The following RHBDD1 variants were observed in gnomAD, a reference collection of about 807,000 sequenced individuals.
RHBDD1 encodes the protein rhomboid domain containing 1.
Under a neutral mutation model 36.3 loss-of-function variants are expected in RHBDD1, and 38 were observed. That is an observed-to-expected ratio of 1.05 (90% CI 0.81 to 1.37). The LOEUF is 1.37. Among genes scored for constraint, RHBDD1 ranks in the 40% most tolerant of loss-of-function variants. The pLI is 0.00. For missense variants in RHBDD1, 393 were observed against 377.6 expected (o/e 1.04, Z -0.34); for synonymous variants, 151 against 136.5 (o/e 1.11, Z -0.74).
chr2:226,950,295 G>C (rs1022439925), intron 8 of RHBDD1, among the ~76,000 whole-genome samples: 12 of 152,136 alleles, frequency 7.9e-5, no homozygotes, highest in Non-Finnish European at 1.8e-4. Context: ...TACAGTATTT[G>C]TCTTTCTGTG....
At position 226,919,651 on chromosome 2, in the gene RHBDD1, C is replaced by T. The variant is rs148145371; in HGVS notation, c.856+5300C>T. On this transcript the variant is annotated intron_variant, in intron 8 of 8. Transcript: ENST00000392062. Reference sequence around the variant, plus strand: ...TCAACATAAATGTATGGATTTGTTTCTGGGTTCTCTGTTCTCTTCCACTGA... The same window carrying T: ...TCAACATAAATGTATGGATTTGTTTTTGGGTTCTCTGTTCTCTTCCACTGA... 6.0e-3 allele frequency among the ~76,000 whole-genome samples: 915 copies of T among 152,098 alleles called. 7 individuals carry two copies. Among genetic ancestry groups the T allele is most frequent in the African/African-American group, 0.021 (868 of 41,536 alleles).
chr2:226,851,723 A>G (rs1223808767), intron 3 of RHBDD1, among the ~76,000 whole-genome samples: 1 of 152,198 alleles, frequency 6.6e-6, no homozygotes, highest in African/African-American at 2.4e-5. Context: ...TGTGTAATTT[A>G]GTTAAACTGA....
chr2:226,947,659 G>T (rs1319426964), intron 8 of RHBDD1, among the ~76,000 whole-genome samples: 3 of 151,872 alleles, frequency 2.0e-5, no homozygotes, highest in East Asian at 3.9e-4. Context: ...GAAAATTTTC[G>T]CAACCTACTC....
intron 2 of RHBDD1, among the ~76,000 whole-genome samples, chr2:226,838,430 T>C (rs1353817921): frequency 7.2e-5 from 11 of 152,238 alleles, no homozygotes; most frequent in African/African-American, 2.2e-4. Flanking sequence ...AGCCCTGCTC[T>C]GAATCTTGCC....
intron 8 of RHBDD1, among the ~76,000 whole-genome samples, chr2:226,915,909 G>T (rs548722759): frequency 6.6e-6 from 1 of 152,274 alleles, no homozygotes; most frequent in African/African-American, 2.4e-5. Context: ...AAGCAGCTGG[G>T]CTGGGCTTAG....
the RHBDD1 span, among the ~76,000 whole-genome samples, chr2:226,817,316 C>T: frequency 2.6e-5 from 4 of 152,098 alleles, no homozygotes; most frequent in Non-Finnish European, 5.9e-5. Flanking sequence ...TAGGGTGTTA[C>T]GGTAAATGAT....
At chr2:226,988,562 G>A (rs1327747423) in intron 8 of RHBDD1, 1 of 1,389,512 alleles carries the variant, frequency 7.2e-7, no homozygotes, top group Non-Finnish European at 9.3e-7. Context: ...GCGGACTGGT[G>A]TGGAATCTGC....
chr2:226,991,472 G>T (rs575919238), intron 8 of RHBDD1, among the ~76,000 whole-genome samples: 1 of 152,296 alleles, frequency 6.6e-6, no homozygotes, highest in African/African-American at 2.4e-5. Flanking sequence ...GAGCCACCAT[G>T]CCCAGCCCAT....
At chr2:226,984,073 A>C (rs1956389307) in intron 8 of RHBDD1, among the ~76,000 whole-genome samples, 1 of 152,340 alleles carries the variant, frequency 6.6e-6, no homozygotes, top group African/African-American at 2.4e-5. Flanking sequence ...GCCACCACTT[A>C]GGACAGAGTC....
intron 3 of RHBDD1, among the ~76,000 whole-genome samples, chr2:226,841,077 A>T (rs1941564423): frequency 6.6e-6 from 1 of 152,086 alleles, no homozygotes; most frequent in South Asian, 2.1e-4. Flanking sequence ...CCCTCATCCT[A>T]ACATATTGAA....
chr2:226,916,351 T>C (rs1948911368), intron 8 of RHBDD1, among the ~76,000 whole-genome samples: 1 of 152,170 alleles, frequency 6.6e-6, no homozygotes, highest in Admixed American at 6.5e-5. Context: ...AAAGCATGCC[T>C]TAGCTATGGA....
chr2:226,844,870 G>A (rs922376938), intron 3 of RHBDD1, among the ~76,000 whole-genome samples: 2 of 152,206 alleles, frequency 1.3e-5, no homozygotes, highest in Non-Finnish European at 2.9e-5. Context: ...TCACCTAGCA[G>A]TGGAGCAAAA....
At chr2:226,904,535 C>A (rs560777556) in intron 5 of RHBDD1, among the ~76,000 whole-genome samples, 263 of 152,130 alleles carry the variant, frequency 1.7e-3, no homozygotes, top group African/African-American at 5.9e-3. Context: ...TGTGCACGCG[C>A]ATGCATGTGC....
chr2:226,856,761 C>T (rs1319640043), intron 3 of RHBDD1, among the ~76,000 whole-genome samples: 2 of 152,158 alleles, frequency 1.3e-5, no homozygotes, highest in Non-Finnish European at 2.9e-5. Context: ...TGCTGTCTAG[C>T]TCTTGTAATT....
chr2:226,889,392 G>A (rs954199677), intron 5 of RHBDD1, among the ~76,000 whole-genome samples: 6 of 152,132 alleles, frequency 3.9e-5, no homozygotes, highest in African/African-American at 7.2e-5. Context: ...CGTTAGTTGC[G>A]ATTGAGTTTT....
At chr2:226,813,616 A>T in the RHBDD1 span, among the ~76,000 whole-genome samples, 9 of 152,330 alleles carry the variant, frequency 5.9e-5, no homozygotes, top group East Asian at 1.3e-3. Flanking sequence ...ACTTGCCATC[A>T]TTGTAAATGC....
At chr2:226,878,722 T>C (rs1327508321) in intron 5 of RHBDD1, among the ~76,000 whole-genome samples, 1 of 152,188 alleles carries the variant, frequency 6.6e-6, no homozygotes. Context: ...GTGTGCTCCT[T>C]CTGAATTCCT....
intron 8 of RHBDD1, among the ~76,000 whole-genome samples, chr2:226,980,584 C>G (rs1955507380): frequency 6.6e-6 from 1 of 152,216 alleles, no homozygotes; most frequent in African/African-American, 2.4e-5. Context: ...ATCCTGGATG[C>G]ATCTCATACA....
At chr2:226,808,602 T>C in the RHBDD1 span, 5 of 152,206 alleles carry the variant, frequency 3.3e-5, no homozygotes, top group East Asian at 9.6e-4. Flanking sequence ...TCCATGTGAC[T>C]TGGACTTTTC....
Sources: allele counts gnomAD v4.1 joint callset (sites outside exome capture counted in the v4.1 genomes callset), GRCh38; gene constraint gnomAD v4.1.1; transcripts MANE v1.5; gene names NCBI Gene and HGNC (gene_info 2026-07-23, HGNC 2026-07-21).